The following KMT2D variants were observed in gnomAD, a reference collection of about 807,000 sequenced individuals.
KMT2D encodes lysine methyltransferase 2D, also known as histone-lysine N-methyltransferase 2D.
KMT2D carries 55 observed loss-of-function variants against 512.7 expected under a neutral mutation model. The ratio of observed to expected loss-of-function variants is 0.11; its 90% CI spans 0.09 to 0.13. The LOEUF is 0.13. Ranked by LOEUF, KMT2D falls within the 10% of genes least tolerant of loss-of-function variation. The probability of loss-of-function intolerance (pLI) is 1.00; values close to 1 mark genes in which losing one functional copy is unlikely to be tolerated. For synonymous variants in KMT2D, 2,995 were observed against 2,904.0 expected (o/e 1.03, Z -1.01); for missense variants, 6,061 against 7,127.9 (o/e 0.85, Z 5.39).
Position 49,034,466 on chromosome 12 carries a change from G to A in KMT2D, c.10451C>T (p.Ala3484Val), listed in dbSNP as rs748419542. The change falls in exon 38 of 55, where the codon GCT (alanine) becomes GTT (valine). Residue 3484 changes from alanine to valine, a missense_variant. Physicochemically the swap from Ala to Val is moderately conservative, Grantham distance 64. This residue lies in a region of KMT2D where 533 missense variants were observed against 539.6 expected (regional missense o/e 0.99). Transcript: ENST00000301067. ...VAAGSGQERS[A>V]GDPSQPRPNP... is the part of the protein sequence containing the mutation. ...GGGACGAGGCTGGGAGGGATCACCA[G>A]CACTCCGCTCCTGCAATGAGAGAGG... 11 of 1,613,624 alleles carry A rather than the reference G, an allele frequency of 6.8e-6. No individual in the cohort carries two copies. In the Admixed American group the frequency reaches 1.8e-4, roughly 27 times the overall value.
rs2120462335 is a variant in KMT2D at position 49,034,933 on chromosome 12, G to C, written c.10234C>G (p.Leu3412Val). 2 of 1,613,960 alleles carry C rather than the reference G, an allele frequency of 1.2e-6. No homozygotes were observed. Among genetic ancestry groups the C allele is most frequent in the Non-Finnish European group, 1.7e-6 (2 of 1,179,870 alleles). ...LANSFFPDTD[L>V]DKFAAEDIID... Reference sequence around the variant, plus strand: ...ATATCTTCTGCAGCAAATTTGTCCAGGTCTGGAGAGGGGAGAACCAAGTGA... The same window carrying C: ...ATATCTTCTGCAGCAAATTTGTCCACGTCTGGAGAGGGGAGAACCAAGTGA... The change falls in exon 36 of 55, where the codon CTG (leucine) becomes GTG (valine). Residue 3412 changes from leucine to valine, a missense_variant and splice_region_variant. Physicochemically the swap from Leu to Val is conservative, Grantham distance 32. Coordinates refer to ENST00000301067, the MANE Select transcript of KMT2D (RefSeq NM_003482.4).
rs1937760557 is a variant in KMT2D at position 49,049,197 on chromosome 12, C to T, written c.3928G>A (p.Gly1310Arg). The T allele has an allele frequency of 6.2e-7, 1 of 1,605,538 alleles. No individual in the cohort carries two copies. Among genetic ancestry groups the T allele is most frequent in the African/African-American group, 1.3e-5 (1 of 74,830 alleles). The change falls in exon 13 of 55, where the codon GGA (glycine) becomes AGA (arginine). Residue 1310 changes from glycine (G) to arginine (R), a missense_variant. This residue lies in a region of KMT2D where 447 missense variants were observed against 500.1 expected (regional missense o/e 0.89). Transcript: ENST00000301067. The part of the protein sequence containing the change: ...IKQGRSSSFP[G>R]RRRPRGGAHG... ...GCTCCTCCACGAGGCCGGCGTCTTC[C>T]TGGGAAACTGCTGCTGCGACCCTGA...
chr12:49,056,290 C>A (rs1045330126), intron 1 of KMT2D, among the ~76,000 whole-genome samples: 1 of 152,198 alleles, frequency 6.6e-6, no homozygotes, highest in Non-Finnish European at 1.5e-5. Context: ...GGTTTCCACA[C>A]ACATACATGG....
Position 49,039,697 on chromosome 12 carries a change from G to T in KMT2D, c.8046+27C>A, listed in dbSNP as rs1335074749. 1.2e-6 allele frequency: 2 copies of T among 1,608,124 alleles called. No homozygotes were observed. The highest frequency in any genetic ancestry group is 1.7e-6 in the Non-Finnish European group (2 of 1,178,036). On this transcript the variant is annotated intron_variant, in intron 32 of 54. Transcript: ENST00000301067. The surrounding 1 kb of genome is among the most constrained non-coding windows in gnomAD (Gnocchi z 5.0). ...GCCCCAGAGACAGGAGCGATATAGG[G>T]GGCTTAGCTCCAGGGTGTCAACTTA... is the stretch of plus-strand genomic sequence containing the variant.
In KMT2D at chr12:49,032,742, TGAG is replaced by T. The variant is rs1381013417; in HGVS notation, c.11960_11962del (p.Pro3987del). ...TGCCACTTGCTGCTGCTGTTGTTGC[TGAG>T]GAGACAGTAAAGTTCGACTCTGGTT... On this transcript the variant is annotated inframe_deletion, in exon 40 of 55. Transcript: ENST00000301067. 1 of 1,595,198 alleles carries T rather than the reference TGAG, an allele frequency of 6.3e-7. No homozygotes were observed. Among genetic ancestry groups the T allele is most frequent in the Non-Finnish European group, 8.5e-7 (1 of 1,170,410 alleles).
In KMT2D at chr12:49,038,849, C is replaced by T. The variant is rs886202729; in HGVS notation, c.8507G>A (p.Arg2836His). 16 of 1,553,838 alleles carry T rather than the reference C, an allele frequency of 1.0e-5. No homozygotes were observed. The highest frequency in any genetic ancestry group is 5.5e-5 in the African/African-American group (4 of 73,162). Residue 2836 changes from arginine to histidine, a missense_variant, in exon 35 of 55, where the codon CGC becomes CAC. This residue lies in a region of KMT2D where 527 missense variants were observed against 578.9 expected (regional missense o/e 0.91). Transcript: ENST00000301067. This position sits in a 1 kb window ranked among gnomAD's most constrained non-coding sequence, Gnocchi z 5.7. ...TTCAGGTCCAGGAGTTGATGGAAAG[C>T]GAGCTGACATGGCAAATCGCATGGA... The part of the protein sequence containing the change: ...ATSMRFAMSA[R>H]FPSTPGPELG...
rs1178225401 is a variant in KMT2D, at chr12:49,043,442, T to TC, written c.5468-15dup. 4 of 1,612,778 alleles carry TC rather than the reference T, an allele frequency of 2.5e-6. No individual in the cohort carries two copies. Among genetic ancestry groups the TC allele is most frequent in the Admixed American group, 1.7e-5 (1 of 59,932 alleles). On this transcript the variant is annotated splice_polypyrimidine_tract_variant and intron_variant, in intron 24 of 54. Coordinates refer to ENST00000301067, the MANE Select transcript of KMT2D (RefSeq NM_003482.4). ...GACCATCATCTCCTATGAGCAAGAG[T>TC]CCCCCCTCCAATCAGAGATGTCCTA...
rs2120692872 is a variant in KMT2D at position 49,053,051 on chromosome 12, A to T, written c.976T>A (p.Cys326Ser). 2 of 1,614,040 alleles carry T rather than the reference A, an allele frequency of 1.2e-6. No homozygotes were observed. The highest frequency in any genetic ancestry group is 1.7e-6 in the Non-Finnish European group (2 of 1,179,876). The change falls in exon 9 of 55, where the codon TGT becomes AGT. Residue 326 changes from cysteine (C) to serine (S), a missense_variant. Around this residue, in one of 16 missense-constraint regions of KMT2D, gnomAD observed 848 missense variants for 838.5 expected, o/e 1.01. Coordinates refer to ENST00000301067, the MANE Select transcript of KMT2D (RefSeq NM_003482.4). ...KCKACRVCRA[C>S]GAGSAELNPN... is the part of the protein sequence containing the mutation. ...TTCAGTTCTGCTGAGCCCGCCCCAC[A>T]GGCCCGGCACACCCGGCACGCCTAA...
chr12:49,029,934 T>C (rs1285383078), intron 43 of KMT2D, among the ~76,000 whole-genome samples: 1 of 152,168 alleles, frequency 6.6e-6, no homozygotes, highest in Non-Finnish European at 1.5e-5. Flanking sequence ...GTCAATCAAG[T>C]TACTTGGATA....
At position 49,040,981 on chromosome 12, in the gene KMT2D, T is replaced by G; in HGVS notation, c.6789A>C (p.Val2263=). Residue 2263 remains valine (V), a synonymous_variant, in exon 32 of 55, where the codon GTA becomes GTC. Coordinates refer to ENST00000301067, the MANE Select transcript of KMT2D (RefSeq NM_003482.4). ...DNLAVPESPG[V]GGGKASEPLL... ...GGGGCTCGGAAGCTTTGCCTCCCCC[T>G]ACCCCAGGGCTCTCAGGCACAGCCA... 1 of 1,607,446 alleles carries G rather than the reference T, an allele frequency of 6.2e-7. No individual in the cohort carries two copies.
At position 49,053,634 on chromosome 12, in the gene KMT2D, A is replaced by G. The variant is rs757757539; in HGVS notation, c.681T>C (p.Ala227=). The change falls in exon 7 of 55, where the codon GCT becomes GCC. Residue 227 remains alanine (A), a synonymous_variant. Coordinates refer to ENST00000301067, the MANE Select transcript of KMT2D (RefSeq NM_003482.4). ...HSEGAAYLEE[A]RCAVCEGPGE... is the part of the protein sequence containing the mutation. ...CTGGCCCCTCACACACTGCACAGCG[A>G]GCCTCCTCTGCAGGGGGTAGAGACA... 21 of 1,593,310 alleles carry G rather than the reference A, an allele frequency of 1.3e-5. No individual in the cohort carries two copies. The highest frequency in any genetic ancestry group is 1.8e-5 in the Non-Finnish European group (21 of 1,170,454).
rs377554708 is a variant in KMT2D, at chr12:49,050,938, C to T, written c.2745G>A (p.Leu915=). Residue 915 remains leucine (L), a synonymous_variant, in exon 11 of 55, where the codon CTG becomes CTA. Coordinates refer to ENST00000301067, the MANE Select transcript of KMT2D (RefSeq NM_003482.4). ...EPPLSPLPEE[L]PLSPSGEPSL... is the part of the protein sequence containing the mutation. Reference sequence around the variant, plus strand: ...ATGGCTCCCCAGATGGGGACAACGGCAGCTCCTCGGGCAGAGGGGACAGAG... The same window carrying T: ...ATGGCTCCCCAGATGGGGACAACGGTAGCTCCTCGGGCAGAGGGGACAGAG... The T allele has an allele frequency of 3.9e-6, 6 of 1,541,372 alleles. No homozygotes were observed. The African/African-American group carries it at 8.3e-5, about 21-fold the overall frequency.
intron 43 of KMT2D, among the ~76,000 whole-genome samples, chr12:49,029,677 G>GTTTTTTTTT (rs33963995): frequency 7.6e-5 from 10 of 132,092 alleles, no homozygotes; most frequent in Non-Finnish European, 8.0e-5. Flanking sequence ...TGTTTTTTTT[G>GTTTTTTTTT]TTTTTTTTTT....
chr12:49,036,048 T>A (rs1018921530), intron 35 of KMT2D: 2 of 152,242 alleles, frequency 1.3e-5, no homozygotes, highest in African/African-American at 4.8e-5. Flanking sequence ...AATACCTATT[T>A]AATGAGTCTG....
At position 49,040,731 on chromosome 12, in the gene KMT2D, G is replaced by C. The variant is rs1396276969; in HGVS notation, c.7039C>G (p.Leu2347Val). ...GCAGGGGGTGGCTCCTGGGGCCTTAGGCCCAAGCCCGGGCTCTGGGGCTCT... is the reference window on the plus strand; with the variant it reads ...GCAGGGGGTGGCTCCTGGGGCCTTACGCCCAAGCCCGGGCTCTGGGGCTCT... Reference protein sequence around the residue: ...QVEPQSPGLGLRPQEPPPAQA... With the variant: ...QVEPQSPGLGVRPQEPPPAQA... The change falls in exon 32 of 55, where the codon CTA (leucine) becomes GTA (valine). Residue 2347 changes from leucine to valine, a missense_variant. Physicochemically the swap from Leu to Val is conservative, Grantham distance 32. Around this residue, in one of 16 missense-constraint regions of KMT2D, gnomAD observed 710 missense variants for 647.3 expected, o/e 1.10. Transcript: ENST00000301067. The C allele has an allele frequency of 1.2e-6, 2 of 1,613,644 alleles. No individual in the cohort carries two copies. The highest frequency in any genetic ancestry group is 2.2e-5 in the East Asian group (1 of 44,862).
At chr12:49,047,373 G>A (rs1943838691) in intron 15 of KMT2D, among the ~76,000 whole-genome samples, 1 of 148,686 alleles carries the variant, frequency 6.7e-6, no homozygotes, top group African/African-American at 2.5e-5. Context: ...CCTAAAAAGA[G>A]ACTGTGGACC....
chr12:49,029,517 G>C (rs1477197395), intron 43 of KMT2D, 41 bp from the exon 44 acceptor site: 1 of 1,461,250 alleles, frequency 6.8e-7, no homozygotes, highest in East Asian at 2.5e-5. Context: ...GGTGAGGGTG[G>C]CCAGGGCTGA....
chr12:49,022,397 G>C lies in KMT2D; in HGVS notation c.16339-44C>G. ...CAGAAGAAGGGACAAGAGTATCAGA[G>C]AGTGGCAGTGGTGGCTGTGGGATCA... On this transcript the variant is annotated intron_variant, in intron 52 of 54. Transcript: ENST00000301067. This position sits in a 1 kb window ranked among gnomAD's most constrained non-coding sequence, Gnocchi z 8.6. 1 of 1,572,830 alleles carries C rather than the reference G, an allele frequency of 6.4e-7. No homozygotes were observed. The highest frequency in any genetic ancestry group is 8.7e-7 in the Non-Finnish European group (1 of 1,152,450).
At position 49,052,197 on chromosome 12, in the gene KMT2D, G is replaced by A. The variant is rs1938102081; in HGVS notation, c.1486C>T (p.Pro496Ser). Residue 496 changes from proline (P) to serine (S), a missense_variant, in exon 11 of 55, where the codon CCG becomes TCG. By Grantham distance (74) the Pro-to-Ser change is moderately conservative. Transcript: ENST00000301067. ...SRPLEESPLS[P>S]PPEESPLSPP... ...GACAGAGGAGACTCCTCAGGCGGCGGAGAGAGGGGCGATTCCTCCAGCGGC... is the reference window on the plus strand; with the variant it reads ...GACAGAGGAGACTCCTCAGGCGGCGAAGAGAGGGGCGATTCCTCCAGCGGC... The A allele has an allele frequency of 1.9e-6, 3 of 1,613,614 alleles. No homozygotes were observed. Among genetic ancestry groups the A allele is most frequent in the Non-Finnish European group, 2.5e-6 (3 of 1,179,744 alleles).
Sources: gnomAD v4.1 joint callset for allele counts (sites outside exome capture counted in the v4.1 genomes callset) on GRCh38, gnomAD v4.1.1 for gene constraint, gnomAD v4.1.1 regional missense constraint, Gnocchi (gnomAD v3.1) non-coding constraint, MANE v1.5 for transcripts, NCBI Gene and HGNC (gene_info 2026-07-23, HGNC 2026-07-21) for gene names.